Variants in NPPB observed in about 807,000 individuals in gnomAD.
The protein encoded by NPPB is natriuretic peptides B.
Under a neutral mutation model 12.7 loss-of-function variants are expected in NPPB, and 13 were observed. The ratio of observed to expected loss-of-function variants is 1.03; its 90% CI spans 0.67 to 1.63. The LOEUF (loss-of-function observed/expected upper bound fraction) is 1.63. NPPB is among the 40% of genes most tolerant of loss of function. The pLI is 0.00. For synonymous variants in NPPB, 66 were observed against 74.7 expected, an observed-to-expected ratio of 0.88 and a Z score of 0.60; for missense variants, 184 against 172.9, an observed-to-expected ratio of 1.06 and a Z score of -0.36.
At position 11,858,483 on chromosome 1, in the gene NPPB, G is replaced by A. The variant is rs200663878; in HGVS notation, c.133-14C>T. On this transcript the variant is annotated splice_polypyrimidine_tract_variant and intron_variant, in intron 1 of 2. Coordinates refer to ENST00000376468, the MANE Select transcript of NPPB (RefSeq NM_002521.3). ...GTTGCGCTGCTCCTGCAATGAATGG[G>A]GGCGTCCAAGCCTCAGGGACCCACC... 1.3e-6 allele frequency: 2 copies of A among 1,532,736 alleles called. No homozygotes were observed. 94.9% of individuals were successfully genotyped at this position (1,532,736 alleles called of 1,614,324 possible). A position where few individuals can be genotyped will look rare whatever the true frequency, so the allele number is the denominator to read the frequency against.
Position 11,858,711 on chromosome 1 carries a change from G to A in NPPB, c.123C>T (p.Ser41=), listed in dbSNP as rs763747066. The part of the protein sequence containing the change: ...SPGSASDLET[S]GLQEQRNHLQ... Reference sequence around the variant, plus strand: ...TGCCCTCCGCTCTCACCTGTAACCCGGACGTTTCCAAGTCCGAGGCTGAAC... The same window carrying A: ...TGCCCTCCGCTCTCACCTGTAACCCAGACGTTTCCAAGTCCGAGGCTGAAC... Residue 41 remains serine, a synonymous_variant, in exon 1 of 3, where the codon TCC becomes TCT. Transcript: ENST00000376468. 8 of 1,614,168 alleles carry A rather than the reference G, an allele frequency of 5.0e-6. No individual in the cohort carries two copies. The highest frequency in any genetic ancestry group is 3.3e-5 in the South Asian group (3 of 91,084).
chr1:11,857,561 A>G lies in NPPB; in HGVS notation c.*94T>C, dbSNP rs978498634. 4 of 1,120,820 alleles carry G rather than the reference A, an allele frequency of 3.6e-6. No homozygotes were observed. The highest frequency in any genetic ancestry group is 1.3e-6 in the Non-Finnish European group (1 of 757,946). 69.4% of individuals were successfully genotyped at this position (1,120,820 alleles called of 1,614,324 possible). ...AACAATCAAATAAATACATAAATAC[A>G]TTAAAAAAATGAGTCACTTCAAAGG... is the stretch of plus-strand genomic sequence containing the variant. On this transcript the variant is annotated 3_prime_UTR_variant, in exon 3 of 3. Transcript: ENST00000376468.
In NPPB at chr1:11,857,623, C is replaced by T; in HGVS notation, c.*32G>A. ...TTGAGGAAAAAGCCCCTTGTGGAAT[C>T]AGAAGCAGGTGTCTGCAGCCAGGAC... is the stretch of plus-strand genomic sequence containing the variant. On this transcript the variant is annotated 3_prime_UTR_variant, in exon 3 of 3. Coordinates refer to ENST00000376468, the MANE Select transcript of NPPB (RefSeq NM_002521.3). 1 of 1,613,070 alleles carries T rather than the reference C, an allele frequency of 6.2e-7. No individual in the cohort carries two copies. Among genetic ancestry groups the T allele is most frequent in the Non-Finnish European group, 8.5e-7 (1 of 1,179,084 alleles).
chr1:11,858,782 G>A lies in NPPB; in HGVS notation c.52C>T (p.His18Tyr). 1 of 1,614,208 alleles carries A rather than the reference G, an allele frequency of 6.2e-7. No homozygotes were observed. The highest frequency in any genetic ancestry group is 2.2e-5 in the East Asian group (1 of 44,876). The stretch of plus-strand genomic sequence containing the variant: ...GAACGACCTCCCAGGAAAGCCAGAT[G>A]CAAGAAGAGCAGGAGCAGGAGCGCC... ...SRALLLLLFLHLAFLGGRSHP... is the reference protein window; with the variant it reads ...SRALLLLLFLYLAFLGGRSHP... Residue 18 changes from histidine to tyrosine, a missense_variant, in exon 1 of 3, where the codon CAT becomes TAT. By Grantham distance (83) the His-to-Tyr change is moderately conservative (BLOSUM62 2). Transcript: ENST00000376468.
rs13305990 is a variant in NPPB at position 11,857,962 on chromosome 1, G to A, written c.388+252C>T. Among the ~76,000 whole-genome samples the A allele has an allele frequency of 1.4e-4, 22 of 152,310 alleles. No individual in the cohort carries two copies. In the East Asian group the frequency reaches 4.2e-3, roughly 29 times the overall value. The stretch of plus-strand genomic sequence containing the variant: ...CCAAATGATAAACAGACCCCCAAAG[G>A]AGATTCTGCCCCTTTGATAAGAAGT... On this transcript the variant is annotated intron_variant, in intron 2 of 2. Transcript: ENST00000376468.
rs61761991 is a variant in NPPB, at chr1:11,858,387, C to T, written c.215G>A (p.Arg72His). 2,734 of 1,598,676 alleles carry T rather than the reference C, an allele frequency of 1.7e-3. 39 individuals are homozygous for T. The highest frequency in any genetic ancestry group is 9.2e-3 in the East Asian group (411 of 44,644). The change falls in exon 2 of 3, where the codon CGT (arginine) becomes CAT (histidine). Residue 72 changes from arginine (R) to histidine (H), a missense_variant. Coordinates refer to ENST00000376468, the MANE Select transcript of NPPB (RefSeq NM_002521.3). ...CCGGGACTTCCAGACACCTGTGGGACGGGGGCTCTCCTGGAGGGGCTCCAG... is the reference window on the plus strand; with the variant it reads ...CCGGGACTTCCAGACACCTGTGGGATGGGGGCTCTCCTGGAGGGGCTCCAG... Reference protein sequence around the residue: ...TSLEPLQESPRPTGVWKSREV... With the variant: ...TSLEPLQESPHPTGVWKSREV...
rs763559096 is a variant in NPPB, at chr1:11,858,206, GTGCTT to G, written c.388+3_388+7del. On this transcript the variant is annotated splice_donor_5th_base_variant and intron_variant, in intron 2 of 2. Transcript: ENST00000376468. The stretch of plus-strand genomic sequence containing the variant: ...GGGAAGGCGGCCGGGGTGGCAGGGG[GTGCTT>G]ACCTTTGCAGCCCAGGCCACTGGAG... 2 of 1,596,110 alleles carry G rather than the reference GTGCTT, an allele frequency of 1.3e-6. No individual in the cohort carries two copies. The highest frequency in any genetic ancestry group is 3.5e-5 in the Admixed American group (2 of 57,716).
rs61761993 is a variant in NPPB at position 11,858,757 on chromosome 1, G to A, written c.77C>T (p.Ser26Phe). 49 of 1,614,092 alleles carry A rather than the reference G, an allele frequency of 3.0e-5. No homozygotes were observed. Among genetic ancestry groups the A allele is most frequent in the Non-Finnish European group, 4.0e-5 (47 of 1,180,032 alleles). The change falls in exon 1 of 3, where the codon TCC becomes TTC. Residue 26 changes from serine to phenylalanine, a missense_variant. Transcript: ENST00000376468. ...TGAACCGGGGCTGCCCAGCGGGTGG[G>A]AACGACCTCCCAGGAAAGCCAGATG... Reference protein sequence around the residue: ...FLHLAFLGGRSHPLGSPGSAS... With the variant: ...FLHLAFLGGRFHPLGSPGSAS...
In NPPB at chr1:11,858,871, C is replaced by CTGT. The variant is rs1557447931; in HGVS notation, c.-39_-38insACA. 1 of 1,439,224 alleles carries CTGT rather than the reference C, an allele frequency of 6.9e-7. No individual in the cohort carries two copies. Among genetic ancestry groups the CTGT allele is most frequent in the South Asian group, 1.3e-5 (1 of 74,676 alleles). The allele number at this position is 1,439,224 out of a possible 1,614,324, so 89.2% of individuals were successfully genotyped here. A position where few individuals can be genotyped will look rare whatever the true frequency, so the allele number is the denominator to read the frequency against. Reference sequence around the variant, plus strand: ...ACTGCGGAGGCTGCTGCTGCTGCTTCTGCTGCTGCTGCTGCTGCTGCGATG... The same window carrying CTGT: ...ACTGCGGAGGCTGCTGCTGCTGCTTCTGTTGCTGCTGCTGCTGCTGCTGCGATG... On this transcript the variant is annotated 5_prime_UTR_variant, in exon 1 of 3. Transcript: ENST00000376468.
In NPPB at chr1:11,858,685, C is replaced by G; in HGVS notation, c.132+17G>C. ...ATTGCTGCTGTCCAATCCCCCTGAG[C>G]TGCCCTCCGCTCTCACCTGTAACCC... On this transcript the variant is annotated intron_variant, in intron 1 of 2. Transcript: ENST00000376468. The G allele has an allele frequency of 6.2e-7, 1 of 1,614,224 alleles. No individual in the cohort carries two copies. The highest frequency in any genetic ancestry group is 2.2e-5 in the East Asian group (1 of 44,884).
chr1:11,858,921 C>T lies in NPPB; in HGVS notation c.-88G>A. ...GCGTCCGGGTTTGCTTCCCACCTGC[C>T]CTCAGCCTGCGGGGTGCTCCTCCTG... is the stretch of plus-strand genomic sequence containing the variant. On this transcript the variant is annotated 5_prime_UTR_variant, in exon 1 of 3. Transcript: ENST00000376468. 6.3e-7 allele frequency: 1 copy of T among 1,599,586 alleles called. No individual in the cohort carries two copies. The highest frequency in any genetic ancestry group is 8.5e-7 in the Non-Finnish European group (1 of 1,174,992).
At chr1:11,857,861 G>A (rs1645130686) in intron 2 of NPPB, among the ~76,000 whole-genome samples, 190 bp from the exon 3 acceptor site, 1 of 152,182 alleles carries the variant, frequency 6.6e-6, no homozygotes. Context: ...CCTGCTCTCT[G>A]CCTTTGAGAC....
At position 11,857,609 on chromosome 1, in the gene NPPB, G is replaced by T. The variant is rs757983999; in HGVS notation, c.*46C>A. 1.2e-6 allele frequency: 2 copies of T among 1,605,642 alleles called. No individual in the cohort carries two copies. The highest frequency in any genetic ancestry group is 1.7e-6 in the Non-Finnish European group (2 of 1,172,334). Reference sequence around the variant, plus strand: ...AGGCGGCCACAGGGTTGAGGAAAAAGCCCCTTGTGGAATCAGAAGCAGGTG... The same window carrying T: ...AGGCGGCCACAGGGTTGAGGAAAAATCCCCTTGTGGAATCAGAAGCAGGTG... On this transcript the variant is annotated 3_prime_UTR_variant, in exon 3 of 3. Coordinates refer to ENST00000376468, the MANE Select transcript of NPPB (RefSeq NM_002521.3).
In NPPB at chr1:11,858,319, G is replaced by A. The variant is rs765981134; in HGVS notation, c.283C>T (p.Leu95Phe). The A allele has an allele frequency of 1.2e-6, 2 of 1,613,738 alleles. No homozygotes were observed. The highest frequency in any genetic ancestry group is 1.7e-6 in the Non-Finnish European group (2 of 1,179,884). Residue 95 changes from leucine (L) to phenylalanine (F), a missense_variant, in exon 2 of 3, where the codon CTC (leucine) becomes TTC (phenylalanine). Leu to Phe is a conservative substitution (Grantham distance 22, BLOSUM62 0). Coordinates refer to ENST00000376468, the MANE Select transcript of NPPB (RefSeq NM_002521.3). ...EGIRGHRKMV[L>F]YTLRAPRSPK... ...CTTCGTGGTGCCCGCAGGGTGTAGA[G>A]GACCATTTTGCGGTGCCCACGGATG... is the stretch of plus-strand genomic sequence containing the variant.
intron 2 of NPPB, 140 bp downstream of exon 2, chr1:11,858,074 G>T: frequency 1.2e-6 from 1 of 801,748 alleles, no homozygotes; most frequent in Non-Finnish European, 2.0e-6. Flanking sequence ...GGCCCTGAAG[G>T]CTGTTAACAA....
intron 2 of NPPB, 105 bp from the exon 3 acceptor site, chr1:11,857,776 G>T: frequency 8.6e-7 from 1 of 1,161,974 alleles, no homozygotes; most frequent in Non-Finnish European, 1.3e-6. Flanking sequence ...GTCATCAGAC[G>T]TTTGAGGCTT....
Position 11,858,435 on chromosome 1 carries a change from T to C in NPPB, c.167A>G (p.Glu56Gly). Residue 56 changes from glutamate to glycine, a missense_variant, in exon 2 of 3, where the codon GAG (glutamate) becomes GGG (glycine). Transcript: ENST00000376468. ...QRNHLQGKLS[E>G]LQVEQTSLEP... ...CAGGGATGTCTGCTCCACCTGCAGC[T>C]CCGACAGTTTGCCCTGCAAATGGTT... 6.5e-7 allele frequency: 1 copy of C among 1,547,720 alleles called. No individual in the cohort carries two copies. Among genetic ancestry groups the C allele is most frequent in the Non-Finnish European group, 8.7e-7 (1 of 1,146,868 alleles).
Position 11,858,229 on chromosome 1 carries a change from C to T in NPPB, c.373G>A (p.Gly125Ser). The part of the protein sequence containing the change: ...RKMDRISSSS[G>S]LGCKVLRRH ...GGGTGCTTACCTTTGCAGCCCAGGC[C>T]ACTGGAGGAGCTGATCCGGTCCATC... The change falls in exon 2 of 3, where the codon GGC becomes AGC. Residue 125 changes from glycine (G) to serine (S), a missense_variant. By Grantham distance (56) the Gly-to-Ser change is moderately conservative. Coordinates refer to ENST00000376468, the MANE Select transcript of NPPB (RefSeq NM_002521.3). The T allele has an allele frequency of 6.2e-7, 1 of 1,610,464 alleles. No homozygotes were observed. Among genetic ancestry groups the T allele is most frequent in the Non-Finnish European group, 8.5e-7 (1 of 1,178,018 alleles).
intron 1 of NPPB, 82 bp from the exon 2 acceptor site, chr1:11,858,551 G>A (rs1645135025): frequency 3.8e-6 from 6 of 1,560,240 alleles, no homozygotes; most frequent in Non-Finnish European, 4.3e-6. Context: ...TGAACCGACT[G>A]CCTTGGGTAC....
Sources: gnomAD v4.1 joint callset for allele counts (sites outside exome capture counted in the v4.1 genomes callset) on GRCh38, gnomAD v4.1.1 for gene constraint, MANE v1.5 for transcripts, NCBI Gene and HGNC (gene_info 2026-07-23, HGNC 2026-07-21) for gene names.